PTPRD: variants seen among roughly 807,000 people sequenced by gnomAD.
PTPRD encodes the protein receptor-type tyrosine-protein phosphatase delta.
PTPRD carries 34 observed loss-of-function variants against 214.5 expected under a neutral mutation model. The ratio of observed to expected loss-of-function variants is 0.16; its 90% CI spans 0.12 to 0.21. The LOEUF is 0.21. Ranked by LOEUF, PTPRD falls within the 10% of genes least tolerant of loss-of-function variation. The pLI, the probability that PTPRD is intolerant of heterozygous loss-of-function variation, is 1.00. For synonymous variants in PTPRD, 1,128 were observed against 845.7 expected, an observed-to-expected ratio of 1.33 and a Z score of -5.79; for missense variants, 2,545 against 2,398.7, an observed-to-expected ratio of 1.06 and a Z score of -1.27.
At chr9:10,345,214 G>A (rs1034184731) in intron 2 of PTPRD, among the ~76,000 whole-genome samples, 3 of 151,918 alleles carry the variant, frequency 2.0e-5, no homozygotes, top group Admixed American at 6.6e-5. Flanking sequence ...TAATATTTCA[G>A]ACAACCTCAA....
intron 5 of PTPRD, among the ~76,000 whole-genome samples, chr9:9,894,635 G>A (rs2074426028): frequency 1.3e-5 from 2 of 151,846 alleles, no homozygotes; most frequent in South Asian, 4.2e-4. Context: ...ACATCACACT[G>A]CATGCTTTTC....
chr9:9,626,752 C>T (rs1027737830), intron 7 of PTPRD, among the ~76,000 whole-genome samples: 1 of 152,242 alleles, frequency 6.6e-6, no homozygotes, highest in South Asian at 2.1e-4. Flanking sequence ...GATAAGAATA[C>T]ATTTTCAGAG....
intron 10 of PTPRD, among the ~76,000 whole-genome samples, chr9:9,087,217 C>T (rs2099768333): frequency 6.6e-6 from 1 of 152,102 alleles, no homozygotes; most frequent in East Asian, 1.9e-4. Context: ...TGTGAAACAT[C>T]TACAGATTTC....
chr9:10,217,562 G>A (rs1284727323), intron 3 of PTPRD, among the ~76,000 whole-genome samples: 1 of 151,912 alleles, frequency 6.6e-6, no homozygotes, highest in East Asian at 1.9e-4. Context: ...ATATTCTACT[G>A]TAGGAGGCCA....
At chr9:8,646,351 T>A (rs2096690697) in intron 12 of PTPRD, among the ~76,000 whole-genome samples, 1 of 152,216 alleles carries the variant, frequency 6.6e-6, no homozygotes, top group African/African-American at 2.4e-5. Context: ...ACAGCTCTTT[T>A]CCGCTCAAAA....
intron 9 of PTPRD, among the ~76,000 whole-genome samples, chr9:9,197,882 C>G (rs1000788857): frequency 1.3e-5 from 2 of 152,292 alleles, no homozygotes; most frequent in African/African-American, 4.8e-5. Flanking sequence ...TCCACACAAG[C>G]TTCAGGAAAA....
chr9:8,384,968 A>G (rs1246424919), intron 37 of PTPRD, among the ~76,000 whole-genome samples: 5 of 152,224 alleles, frequency 3.3e-5, no homozygotes, highest in East Asian at 3.8e-4. Flanking sequence ...TAAAGGCCAC[A>G]TTTGAAGGGA....
intron 14 of PTPRD, among the ~76,000 whole-genome samples, chr9:8,593,537 T>G (rs550248873): frequency 6.6e-6 from 1 of 152,340 alleles, no homozygotes; most frequent in African/African-American, 2.4e-5. Flanking sequence ...TAACTTCTTT[T>G]TGTAAACTCC....
chr9:8,466,157 A>C (rs1462815133), intron 31 of PTPRD, among the ~76,000 whole-genome samples: 1 of 151,970 alleles, frequency 6.6e-6, no homozygotes, highest in Non-Finnish European at 1.5e-5. Context: ...CTCATATGAT[A>C]CAAATTCCCT....
At chr9:9,706,725 C>T (rs1025475590) in intron 7 of PTPRD, among the ~76,000 whole-genome samples, 2 of 152,036 alleles carry the variant, frequency 1.3e-5, no homozygotes, top group African/African-American at 2.4e-5. Flanking sequence ...CAGGCATGAG[C>T]CACCATGCCT....
intron 39 of PTPRD, among the ~76,000 whole-genome samples, chr9:8,356,671 C>G (rs1564227678): frequency 6.6e-6 from 1 of 152,106 alleles, no homozygotes; most frequent in Non-Finnish European, 1.5e-5. Context: ...ATTCAGACCT[C>G]ATTATTGACA....
chr9:9,910,158 T>A (rs1450064842), intron 5 of PTPRD, among the ~76,000 whole-genome samples: 1 of 151,922 alleles, frequency 6.6e-6, no homozygotes, highest in African/African-American at 2.4e-5. Flanking sequence ...GTTACCAGGA[T>A]TAAATAAGTT....
chr9:9,234,946 G>C, intron 9 of PTPRD, among the ~76,000 whole-genome samples: 1 of 152,034 alleles, frequency 6.6e-6, no homozygotes, highest in East Asian at 1.9e-4. Context: ...ACATTTTTGC[G>C]TATCTTTACA....
Position 10,413,353 on chromosome 9 carries a change from T to C in PTPRD, c.-599-72336A>G, listed in dbSNP as rs1315262421. Reference sequence around the variant, plus strand: ...AAGTCAAATCCGGAATGCAGTGTCATTCACAATTGCCATGTAAATAACAAA... The same window carrying C: ...AAGTCAAATCCGGAATGCAGTGTCACTCACAATTGCCATGTAAATAACAAA... On this transcript the variant is annotated intron_variant, in intron 2 of 45. Coordinates refer to ENST00000381196, the MANE Select transcript of PTPRD (RefSeq NM_002839.4). 2.6e-5 allele frequency among the ~76,000 whole-genome samples: 4 copies of C among 151,892 alleles called. No individual in the cohort carries two copies. The East Asian group carries it at 7.8e-4, about 30-fold the overall frequency.
At chr9:8,554,774 C>G (rs1313044994) in intron 14 of PTPRD, among the ~76,000 whole-genome samples, 1 of 152,130 alleles carries the variant, frequency 6.6e-6, no homozygotes, top group East Asian at 1.9e-4. Flanking sequence ...GTAGAGCTGT[C>G]AGAGAAATAT....
chr9:9,910,751 C>T (rs1026941291), intron 5 of PTPRD, among the ~76,000 whole-genome samples: 2 of 151,880 alleles, frequency 1.3e-5, no homozygotes, highest in African/African-American at 2.4e-5. Flanking sequence ...CTTAAAATAT[C>T]GGATGAAATT....
In PTPRD at chr9:10,108,779, T is replaced by C. The variant is rs78906825; in HGVS notation, c.-544-74989A>G. Among the ~76,000 whole-genome samples the C allele has an allele frequency of 8.2e-4, 125 of 151,954 alleles. 1 individual carries two copies. The highest frequency in any genetic ancestry group is 2.9e-3 in the African/African-American group (121 of 41,458). On this transcript the variant is annotated intron_variant, in intron 3 of 45. Transcript: ENST00000381196. ...TTTGCACACAAAGGGATACTATTCA[T>C]CCTTAAAAAAGAGGAAAGCCTGTCC...
At position 9,912,524 on chromosome 9, in the gene PTPRD, T is replaced by C. The variant is rs377708604; in HGVS notation, c.-368+25983A>G. On this transcript the variant is annotated intron_variant, in intron 5 of 45. Transcript: ENST00000381196. ...TGACACTCCTCAATAGCACATGTTT[T>C]GCCTCATCACTACCTAGAAATAATT... 4.6e-5 allele frequency among the ~76,000 whole-genome samples: 7 copies of C among 152,190 alleles called. No homozygotes were observed. The East Asian group carries it at 1.2e-3, about 25-fold the overall frequency.
At chr9:9,322,702 T>C (rs1051830662) in intron 9 of PTPRD, among the ~76,000 whole-genome samples, 3 of 152,162 alleles carry the variant, frequency 2.0e-5, no homozygotes, top group Non-Finnish European at 2.9e-5. Context: ...ATCCTTGGTA[T>C]GAGGGAATTT....
Sources: gnomAD v4.1 joint callset for allele counts (sites outside exome capture counted in the v4.1 genomes callset) on GRCh38, gnomAD v4.1.1 for gene constraint, MANE v1.5 for transcripts, NCBI Gene and HGNC (gene_info 2026-07-23, HGNC 2026-07-21) for gene names.